The following MICAL2 variants were observed in gnomAD, a reference collection of about 807,000 sequenced individuals.
MICAL2 encodes [F-actin]-monooxygenase MICAL2.
In MICAL2, 77 loss-of-function variants were observed where a neutral mutation model predicts 127.3. The observed-to-expected ratio is 0.60, with a 90% CI of 0.50 to 0.73. MICAL2 has a LOEUF of 0.73. Among genes scored for constraint, MICAL2 ranks in the 30% least tolerant of loss-of-function variants. MICAL2 has a pLI of 0.00. For synonymous variants in MICAL2, 570 were observed against 551.1 expected (o/e 1.03, Z -0.48); for missense variants, 1,351 against 1,434.4 (o/e 0.94, Z 0.94).
chr11:12,334,321 TG>T (rs1452703378), intron 32 of MICAL2, among the ~76,000 whole-genome samples: 1 of 152,178 alleles, frequency 6.6e-6, no homozygotes, highest in African/African-American at 2.4e-5. Context: ...CTGAATACAG[TG>T]TAAATGTTGT....
chr11:12,163,035 C>T (rs764614225), intron 3 of MICAL2, among the ~76,000 whole-genome samples: 6 of 152,196 alleles, frequency 3.9e-5, no homozygotes, highest in Non-Finnish European at 7.3e-5. Flanking sequence ...GTCTCTTTCT[C>T]TTCCTCCTGA....
At chr11:12,303,964 G>A (rs1864078918) in intron 29 of MICAL2, among the ~76,000 whole-genome samples, 3 of 152,070 alleles carry the variant, frequency 2.0e-5, no homozygotes, top group African/African-American at 4.8e-5. Context: ...CCAGGAGGTC[G>A]AGGTTCAGTG....
chr11:12,258,429 G>T, intron 24 of MICAL2, 39 bp from the exon 25 acceptor site: 1 of 1,539,786 alleles, frequency 6.5e-7, no homozygotes, highest in South Asian at 1.1e-5. Flanking sequence ...TAGTTTACAG[G>T]AGAAAAATTT....
intron 2 of MICAL2, among the ~76,000 whole-genome samples, chr11:12,142,509 A>G (rs986632864): frequency 6.6e-6 from 1 of 152,154 alleles, no homozygotes; most frequent in Non-Finnish European, 1.5e-5. Flanking sequence ...CATGGATTAC[A>G]CTGTTGCTTG....
intron 24 of MICAL2, among the ~76,000 whole-genome samples, chr11:12,257,683 C>T (rs1862506058): frequency 6.6e-6 from 1 of 152,158 alleles, no homozygotes; most frequent in Non-Finnish European, 1.5e-5. Context: ...AACGGTAGTC[C>T]TTAGCTCTCA....
intron 30 of MICAL2, among the ~76,000 whole-genome samples, chr11:12,322,287 A>G (rs1277243976): frequency 6.6e-6 from 1 of 152,180 alleles, no homozygotes; most frequent in Non-Finnish European, 1.5e-5. Context: ...GACAGTTACC[A>G]TTGATCCCCA....
At chr11:12,220,973 T>C (rs1332339858) in intron 9 of MICAL2, among the ~76,000 whole-genome samples, 1 of 152,242 alleles carries the variant, frequency 6.6e-6, no homozygotes, top group Non-Finnish European at 1.5e-5. Flanking sequence ...GAAAGTTTTC[T>C]CTTTAGTGTG....
chr11:12,200,371 C>T (rs1246718204), intron 3 of MICAL2, among the ~76,000 whole-genome samples: 4 of 152,238 alleles, frequency 2.6e-5, no homozygotes. Context: ...CCCTTTGCAT[C>T]TGTGGTCTGT....
At chr11:12,171,331 G>A (rs1856227905) in intron 3 of MICAL2, among the ~76,000 whole-genome samples, 1 of 152,220 alleles carries the variant, frequency 6.6e-6, no homozygotes, top group Non-Finnish European at 1.5e-5. Context: ...GTATCTCTGG[G>A]CAGGGAGAAA....
At chr11:12,311,745 C>G (rs1300755681) in intron 29 of MICAL2, among the ~76,000 whole-genome samples, 1 of 152,176 alleles carries the variant, frequency 6.6e-6, no homozygotes, top group Non-Finnish European at 1.5e-5. Flanking sequence ...TGGTATTAAG[C>G]TTACGCTAGT....
intron 24 of MICAL2, 59 bp from the exon 25 acceptor site, chr11:12,258,409 T>C: frequency 7.5e-7 from 1 of 1,329,986 alleles, no homozygotes; most frequent in South Asian, 1.2e-5. Flanking sequence ...GGCTTTTGTC[T>C]ACTTAGCTCT....
At chr11:12,182,955 A>G (rs909869559) in intron 3 of MICAL2, among the ~76,000 whole-genome samples, 7 of 151,684 alleles carry the variant, frequency 4.6e-5, no homozygotes, top group East Asian at 1.9e-4. Flanking sequence ...CCCATTAATC[A>G]TTGTCCTCGG....
chr11:12,260,688 T>A (rs1309277585), intron 26 of MICAL2: 1 of 985,506 alleles, frequency 1.0e-6, no homozygotes, highest in Non-Finnish European at 1.2e-6. Flanking sequence ...CACGAAAGCA[T>A]AATTATTTTA....
intron 12 of MICAL2, 38 bp downstream of exon 12, chr11:12,223,539 A>G: frequency 6.3e-7 from 1 of 1,578,554 alleles, no homozygotes; most frequent in Non-Finnish European, 8.7e-7. Flanking sequence ...GGTGGCTGGG[A>G]AGAGCTTTGA....
intron 31 of MICAL2, among the ~76,000 whole-genome samples, chr11:12,324,226 A>C (rs148848919): frequency 6.6e-6 from 1 of 152,142 alleles, no homozygotes. Context: ...TGGCCGTTTT[A>C]AAGAGGCTCT....
chr11:12,117,832 T>C lies in MICAL2; in HGVS notation c.-149+7106T>C, dbSNP rs942765811. ...TGTAAGAAGGAGGCTACATCATTTGTCTGATGACTAAATGAAAGGAAAACA... is the reference window on the plus strand; with the variant it reads ...TGTAAGAAGGAGGCTACATCATTTGCCTGATGACTAAATGAAAGGAAAACA... On this transcript the variant is annotated intron_variant, in intron 1 of 27. Coordinates refer to ENST00000683283, the MANE Select transcript of MICAL2 (RefSeq NM_001282663.2). Among the ~76,000 whole-genome samples, 7 of 152,310 alleles carry C rather than the reference T, an allele frequency of 4.6e-5. No homozygotes were observed. The East Asian group carries it at 1.2e-3, about 25-fold the overall frequency.
At chr11:12,133,494 TG>T (rs1851592930) in intron 1 of MICAL2, among the ~76,000 whole-genome samples, 1 of 152,202 alleles carries the variant, frequency 6.6e-6, no homozygotes, top group East Asian at 1.9e-4. Flanking sequence ...AGATCATCTT[TG>T]GGTGCTGGTC....
rs74855162 is a variant in MICAL2, at chr11:12,239,448, T to A, written c.2077T>A (p.Ser693Thr). The stretch of plus-strand genomic sequence containing the variant: ...TCAACCTTTGCAGCCTTCAAACTTT[T>A]CCAGCCGTAGCTTGGGCTCCAATCA... ...FTNLDEPSNF[S>T]SRSLGSNQEC... Residue 693 changes from serine to threonine, a missense_variant, in exon 17 of 28, where the codon TCC becomes ACC. Ser to Thr is a moderately conservative substitution (Grantham distance 58). Coordinates refer to ENST00000683283, the MANE Select transcript of MICAL2 (RefSeq NM_001282663.2). 6 of 1,613,786 alleles carry A rather than the reference T, an allele frequency of 3.7e-6. No homozygotes were observed. The highest frequency in any genetic ancestry group is 5.1e-6 in the Non-Finnish European group (6 of 1,179,982).
intron 5 of MICAL2, among the ~76,000 whole-genome samples, 171 bp from the exon 6 acceptor site, chr11:12,209,326 A>T (rs1446673004): frequency 6.6e-6 from 1 of 152,198 alleles, no homozygotes; most frequent in East Asian, 1.9e-4. Context: ...AGGTCAGAGG[A>T]CACCAGATTA....
Sources: allele counts gnomAD v4.1 joint callset (sites outside exome capture counted in the v4.1 genomes callset), GRCh38; gene constraint gnomAD v4.1.1; transcripts MANE v1.5; gene names NCBI Gene and HGNC (gene_info 2026-07-23, HGNC 2026-07-21).